RBFOX3: variants seen among roughly 807,000 people sequenced by gnomAD.
RBFOX3 encodes RNA binding protein fox-1 homolog 3.
A neutral mutation model predicts 48.7 loss-of-function variants in RBFOX3; 17 were observed. The observed-to-expected ratio is 0.35, with a 90% CI of 0.24 to 0.52. RBFOX3 has a LOEUF of 0.52. RBFOX3 is among the 20% of genes least tolerant of loss of function. The pLI, the probability that RBFOX3 is intolerant of heterozygous loss-of-function variation, is 0.94. For missense variants in RBFOX3, 382 were observed against 497.5 expected, an observed-to-expected ratio of 0.77 and a Z score of 2.21; for synonymous variants, 212 against 209.5, an observed-to-expected ratio of 1.01 and a Z score of -0.10.
At chr17:79,297,397 G>C (rs1036658686) in intron 3 of RBFOX3, among the ~76,000 whole-genome samples, 1 of 152,208 alleles carries the variant, frequency 6.6e-6, no homozygotes, top group African/African-American at 2.4e-5. Flanking sequence ...CACATCCCGG[G>C]CCAGCCCCAA....
chr17:79,629,417 A>G, the RBFOX3 span, among the ~76,000 whole-genome samples: 4 of 152,180 alleles, frequency 2.6e-5, no homozygotes, highest in Non-Finnish European at 4.4e-5. Context: ...ACCAGTCACC[A>G]AAGCAAAGCA....
intron 4 of RBFOX3, among the ~76,000 whole-genome samples, chr17:79,144,046 C>T (rs974931508): frequency 6.6e-6 from 1 of 152,246 alleles, no homozygotes; most frequent in African/African-American, 2.4e-5. Context: ...GTGACACCCT[C>T]CAGAGGAGGA....
chr17:79,141,805 C>T (rs946716617), intron 4 of RBFOX3, among the ~76,000 whole-genome samples: 4 of 152,130 alleles, frequency 2.6e-5, no homozygotes, highest in Admixed American at 1.3e-4. Context: ...ACAGTGCCCC[C>T]CGGTCGCAAG....
At chr17:79,511,253 T>G (rs1220161693) in intron 1 of RBFOX3, among the ~76,000 whole-genome samples, 4 of 152,166 alleles carry the variant, frequency 2.6e-5, no homozygotes, top group African/African-American at 9.7e-5. Context: ...TGTCCAGATA[T>G]CCGCTTAGAC....
At chr17:79,433,237 T>C (rs1353921069) in intron 2 of RBFOX3, among the ~76,000 whole-genome samples, 1 of 152,180 alleles carries the variant, frequency 6.6e-6, no homozygotes, top group African/African-American at 2.4e-5. Context: ...TTGGGAGAGG[T>C]CCCGCCCTGG....
At chr17:79,275,291 C>G (rs2068575502) in intron 3 of RBFOX3, among the ~76,000 whole-genome samples, 2 of 152,066 alleles carry the variant, frequency 1.3e-5, no homozygotes, top group Non-Finnish European at 2.9e-5. Context: ...TGCACTCCAG[C>G]TGTCCCTGTG....
At chr17:79,586,413 G>T (rs1347484770) in intron 1 of RBFOX3, among the ~76,000 whole-genome samples, 7 of 152,228 alleles carry the variant, frequency 4.6e-5, no homozygotes, top group African/African-American at 1.7e-4. Context: ...GCATGGCCCA[G>T]TTCAGCAGAA....
intron 6 of RBFOX3, among the ~76,000 whole-genome samples, chr17:79,106,302 T>C (rs2077352112): frequency 6.6e-6 from 1 of 152,070 alleles, no homozygotes; most frequent in Admixed American, 6.5e-5. Flanking sequence ...CCAAACTGGC[T>C]GCGAGGTCCC....
At chr17:79,172,173 CAAA>C (rs977301314) in intron 4 of RBFOX3, among the ~76,000 whole-genome samples, 19 of 52,480 alleles carry the variant, frequency 3.6e-4, no homozygotes, top group Non-Finnish European at 5.4e-4. Context: ...GAGTCCGTCT[CAAA>C]AAAAAAAAAA....
chr17:79,621,413 ATACCCAGCGAG>A, the RBFOX3 span, among the ~76,000 whole-genome samples: 1 of 150,198 alleles, frequency 6.7e-6, no homozygotes, highest in Non-Finnish European at 1.5e-5. Flanking sequence ...AAAGCCAACG[ATACCCAGCGAG>A]GGGGCCATCC....
At chr17:79,408,774 A>G (rs1052606495) in intron 2 of RBFOX3, among the ~76,000 whole-genome samples, 4 of 152,240 alleles carry the variant, frequency 2.6e-5, no homozygotes, top group Non-Finnish European at 5.9e-5. Context: ...CATCATCACC[A>G]TCATTGTTCT....
chr17:79,296,829 T>A (rs1322550372), intron 3 of RBFOX3, among the ~76,000 whole-genome samples: 1 of 96,594 alleles, frequency 1.0e-5, no homozygotes, highest in African/African-American at 4.2e-5. Flanking sequence ...CCTCCCCTTC[T>A]TCCTCCCCCC....
intron 5 of RBFOX3, among the ~76,000 whole-genome samples, chr17:79,113,683 C>T (rs1375740141): frequency 6.6e-6 from 1 of 152,158 alleles, no homozygotes; most frequent in Non-Finnish European, 1.5e-5. Flanking sequence ...GCTGCTCACT[C>T]GGGGATTCTC....
intron 2 of RBFOX3, among the ~76,000 whole-genome samples, chr17:79,377,463 G>GCA (rs1459499534): frequency 3.3e-5 from 5 of 151,828 alleles, no homozygotes; most frequent in South Asian, 2.1e-4. Flanking sequence ...GCATGCGCAC[G>GCA]CACACACACA....
At chr17:79,117,948 A>C (rs903859244) in intron 4 of RBFOX3, among the ~76,000 whole-genome samples, 8 of 152,166 alleles carry the variant, frequency 5.3e-5, no homozygotes, top group Non-Finnish European at 7.4e-5. Flanking sequence ...GGACGGTCCA[A>C]GGCTGGGTGT....
chr17:79,532,415 A>AC (rs1197454485), intron 1 of RBFOX3, among the ~76,000 whole-genome samples: 1 of 152,120 alleles, frequency 6.6e-6, no homozygotes, highest in East Asian at 1.9e-4. Flanking sequence ...CAGAGGAGGA[A>AC]CCAGGTTGCA....
At chr17:79,434,666 AG>A (rs2069069875) in intron 2 of RBFOX3, among the ~76,000 whole-genome samples, 1 of 152,192 alleles carries the variant, frequency 6.6e-6, no homozygotes, top group Admixed American at 6.5e-5. Context: ...GATTTTGTAT[AG>A]GGGATTTAGC....
At chr17:79,513,747 G>A (rs1448190264) in intron 1 of RBFOX3, among the ~76,000 whole-genome samples, 2 of 152,220 alleles carry the variant, frequency 1.3e-5, no homozygotes, top group African/African-American at 2.4e-5. Context: ...CCGTCAGTGA[G>A]GCGGTACAGG....
chr17:79,385,320 A>G (rs1301417314), intron 2 of RBFOX3, among the ~76,000 whole-genome samples: 1 of 152,228 alleles, frequency 6.6e-6, no homozygotes, highest in Non-Finnish European at 1.5e-5. Context: ...CCCCATGTCC[A>G]CTACCAGCCA....
Sources: gnomAD v4.1 joint callset for allele counts (sites outside exome capture counted in the v4.1 genomes callset) on GRCh38, gnomAD v4.1.1 for gene constraint, MANE v1.5 for transcripts, NCBI Gene and HGNC (gene_info 2026-07-23, HGNC 2026-07-21) for gene names.